COL25A1: variants seen among roughly 807,000 people sequenced by gnomAD.
The protein encoded by COL25A1 is collagen type XXV alpha 1 chain.
In COL25A1, 103 loss-of-function variants were observed where a neutral mutation model predicts 128.4. The ratio of observed to expected loss-of-function variants is 0.80; its 90% CI spans 0.68 to 0.94. The LOEUF (loss-of-function observed/expected upper bound fraction) is 0.94. Ranked by LOEUF, COL25A1 falls within the 40% of genes least tolerant of loss-of-function variation. The probability of loss-of-function intolerance (pLI) is 0.00; values close to 1 mark genes in which losing one functional copy is unlikely to be tolerated. For synonymous variants in COL25A1, 279 were observed against 277.2 expected (o/e 1.01, Z -0.06); for missense variants, 745 against 840.0 (o/e 0.89, Z 1.40).
chr4:109,161,783 T>C (rs1261886362), intron 3 of COL25A1, among the ~76,000 whole-genome samples: 1 of 152,192 alleles, frequency 6.6e-6, no homozygotes, highest in East Asian at 1.9e-4. Context: ...GGAAAAGACA[T>C]TGGAGTTCAT....
At chr4:108,905,856 G>A (rs6816435) in intron 13 of COL25A1, among the ~76,000 whole-genome samples, 2 of 150,436 alleles carry the variant, frequency 1.3e-5, no homozygotes, top group African/African-American at 4.9e-5. Context: ...ATGTCGGGGG[G>A]GGGTGCGGGG....
At chr4:109,115,015 T>C (rs1484221152) in intron 3 of COL25A1, among the ~76,000 whole-genome samples, 1 of 152,052 alleles carries the variant, frequency 6.6e-6, no homozygotes, top group East Asian at 1.9e-4. Context: ...CAGGATGTTA[T>C]TAAAAATTTA....
chr4:109,217,107 T>C (rs1364152412), intron 3 of COL25A1, among the ~76,000 whole-genome samples: 1 of 151,548 alleles, frequency 6.6e-6, no homozygotes, highest in African/African-American at 2.4e-5. Flanking sequence ...ATACTATCTT[T>C]GGGATGCCTA....
chr4:109,195,990 C>G (rs557610889), intron 3 of COL25A1, among the ~76,000 whole-genome samples: 1 of 152,300 alleles, frequency 6.6e-6, no homozygotes, highest in African/African-American at 2.4e-5. Context: ...CCCTGTGTTA[C>G]CCTTTGTCCT....
intron 3 of COL25A1, among the ~76,000 whole-genome samples, chr4:109,255,468 T>C (rs902227283): frequency 2.0e-5 from 3 of 152,170 alleles, no homozygotes; most frequent in African/African-American, 7.2e-5. Context: ...GGGTCTCCCC[T>C]ATGTGGAGTG....
At chr4:108,822,545 T>C (rs747053320) in intron 35 of COL25A1, among the ~76,000 whole-genome samples, 7 of 151,888 alleles carry the variant, frequency 4.6e-5, no homozygotes, top group Non-Finnish European at 8.8e-5. Flanking sequence ...GCCTCTGGAG[T>C]AGCTGGGACT....
chr4:108,897,215 T>G (rs111938410), intron 15 of COL25A1, among the ~76,000 whole-genome samples: 8 of 152,312 alleles, frequency 5.3e-5, no homozygotes, highest in African/African-American at 1.9e-4. Context: ...TCAAAACCTG[T>G]GGACTGAATA....
intron 5 of COL25A1, among the ~76,000 whole-genome samples, chr4:109,015,687 G>A (rs1016910536): frequency 6.6e-6 from 1 of 152,116 alleles, no homozygotes; most frequent in Non-Finnish European, 1.5e-5. Flanking sequence ...CTTAAAAACT[G>A]GTAATCAGAA....
At chr4:108,867,662 C>G (rs1008157190) in intron 20 of COL25A1, among the ~76,000 whole-genome samples, 1 of 152,136 alleles carries the variant, frequency 6.6e-6, no homozygotes, top group Non-Finnish European at 1.5e-5. Context: ...ATTTCTGTAA[C>G]TCTTGGAAAT....
At chr4:109,210,171 C>A (rs570116881) in intron 3 of COL25A1, among the ~76,000 whole-genome samples, 3 of 114,196 alleles carry the variant, frequency 2.6e-5, no homozygotes, top group African/African-American at 1.7e-4. Flanking sequence ...CATAAAGGAG[C>A]GAAGCCTCAA....
chr4:109,170,643 G>A (rs1386734525), intron 3 of COL25A1, among the ~76,000 whole-genome samples: 4 of 152,150 alleles, frequency 2.6e-5, no homozygotes, highest in African/African-American at 7.2e-5. Flanking sequence ...GGCAGGTGGA[G>A]AGGAAGGAAT....
chr4:109,190,530 G>A (rs543482426), intron 3 of COL25A1, among the ~76,000 whole-genome samples: 1 of 152,302 alleles, frequency 6.6e-6, no homozygotes, highest in South Asian at 2.1e-4. Context: ...CGTAAACAAT[G>A]CAACTTTGGC....
intron 5 of COL25A1, among the ~76,000 whole-genome samples, chr4:109,044,360 T>C (rs1760219029): frequency 6.6e-6 from 1 of 152,116 alleles, no homozygotes; most frequent in Admixed American, 6.6e-5. Context: ...GTTGCAAATA[T>C]ATGGTTGCTA....
chr4:109,162,355 T>C (rs551811945), intron 3 of COL25A1, among the ~76,000 whole-genome samples: 18 of 151,938 alleles, frequency 1.2e-4, no homozygotes, highest in Non-Finnish European at 5.9e-5. Flanking sequence ...TACTGGAGAG[T>C]GCTCAGAAAT....
chr4:108,916,773 T>G (rs1440189873), intron 13 of COL25A1, among the ~76,000 whole-genome samples: 2 of 152,178 alleles, frequency 1.3e-5, no homozygotes, highest in Non-Finnish European at 2.9e-5. Flanking sequence ...TTTGCCAGGA[T>G]TTGTGAAGCA....
At chr4:109,041,840 G>A (rs1759927783) in intron 5 of COL25A1, among the ~76,000 whole-genome samples, 1 of 152,052 alleles carries the variant, frequency 6.6e-6, no homozygotes, top group Non-Finnish European at 1.5e-5. Context: ...AGATGGCAGA[G>A]TCTCCATCAG....
At chr4:109,077,310 C>G (rs1763461440) in intron 3 of COL25A1, among the ~76,000 whole-genome samples, 1 of 152,062 alleles carries the variant, frequency 6.6e-6, no homozygotes, top group Admixed American at 6.6e-5. Flanking sequence ...AAGCACAAGA[C>G]CAAGCACTGC....
intron 8 of COL25A1, among the ~76,000 whole-genome samples, chr4:108,973,477 A>G (rs375115772): frequency 2.0e-5 from 3 of 152,244 alleles, no homozygotes; most frequent in Non-Finnish European, 4.4e-5. Flanking sequence ...TTTTGCAAAA[A>G]TATCTCTATG....
intron 3 of COL25A1, among the ~76,000 whole-genome samples, chr4:109,132,423 T>A (rs995058643): frequency 6.6e-6 from 1 of 152,152 alleles, no homozygotes; most frequent in Non-Finnish European, 1.5e-5. Flanking sequence ...AGATATAAAA[T>A]AAGGGCCTTA....
Sources: gnomAD v4.1 joint callset for allele counts (sites outside exome capture counted in the v4.1 genomes callset) on GRCh38, gnomAD v4.1.1 for gene constraint, MANE v1.5 for transcripts, NCBI Gene and HGNC (gene_info 2026-07-23, HGNC 2026-07-21) for gene names.